SRBD1: variants seen among roughly 807,000 people sequenced by gnomAD.
SRBD1 encodes S1 RNA binding domain 1, also known as S1 RNA-binding domain-containing protein 1.
SRBD1 carries 88 observed loss-of-function variants against 115.3 expected under a neutral mutation model. The observed-to-expected ratio is 0.76, with a 90% CI of 0.64 to 0.91. The LOEUF (loss-of-function observed/expected upper bound fraction) is 0.91, where lower values mean the gene tolerates loss of function less well. SRBD1 is among the 40% of genes least tolerant of loss of function. The pLI, the probability that SRBD1 is intolerant of heterozygous loss-of-function variation, is 0.00. For synonymous variants in SRBD1, 509 were observed against 407.7 expected, an observed-to-expected ratio of 1.25 and a Z score of -2.99; for missense variants, 1,385 against 1,177.4, an observed-to-expected ratio of 1.18 and a Z score of -2.58.
At chr2:45,493,550 C>T in intron 14 of SRBD1, among the ~76,000 whole-genome samples, 1 of 152,102 alleles carries the variant, frequency 6.6e-6, no homozygotes, top group East Asian at 1.9e-4. Context: ...GTGGCACACA[C>T]CTGTAATCCC....
intron 14 of SRBD1, among the ~76,000 whole-genome samples, chr2:45,488,808 A>T (rs939717170): frequency 4.6e-5 from 7 of 152,086 alleles, no homozygotes; most frequent in African/African-American, 1.7e-4. Context: ...AAAAACCACC[A>T]TCATAAGCAC....
At chr2:45,423,540 T>C (rs1398217014) in intron 16 of SRBD1, among the ~76,000 whole-genome samples, 4 of 152,006 alleles carry the variant, frequency 2.6e-5, no homozygotes, top group Admixed American at 2.6e-4. Flanking sequence ...AACCTATAAG[T>C]ACAGTCAATA....
intron 16 of SRBD1, among the ~76,000 whole-genome samples, chr2:45,437,710 A>G (rs1389243060): frequency 6.6e-6 from 1 of 152,234 alleles, no homozygotes; most frequent in Admixed American, 6.5e-5. Flanking sequence ...TCTGGGCGAT[A>G]GACTAAGACT....
chr2:45,389,197 A>T lies in SRBD1; in HGVS notation c.*113T>A, dbSNP rs1044931131. On this transcript the variant is annotated 3_prime_UTR_variant, in exon 21 of 21. Transcript: ENST00000263736. ...GGAAAGTGTTTGGAAAATATTTCTGATATTAAGTGAATTATTTCTCATCTG... is the reference window on the plus strand; with the variant it reads ...GGAAAGTGTTTGGAAAATATTTCTGTTATTAAGTGAATTATTTCTCATCTG... The T allele has an allele frequency of 1.8e-4, 214 of 1,204,886 alleles. No individual in the cohort carries two copies. Among genetic ancestry groups the T allele is most frequent in the Non-Finnish European group, 2.4e-4 (205 of 867,850 alleles). 74.6% of individuals were successfully genotyped at this position (1,204,886 alleles called of 1,614,324 possible). A position where few individuals can be genotyped will look rare whatever the true frequency, so the allele number is the denominator to read the frequency against.
At chr2:45,451,674 C>A (rs544892810) in intron 16 of SRBD1, among the ~76,000 whole-genome samples, 1 of 149,172 alleles carries the variant, frequency 6.7e-6, no homozygotes, top group African/African-American at 2.5e-5. Context: ...GCACAAATAT[C>A]CTCCAAACTT....
intron 16 of SRBD1, among the ~76,000 whole-genome samples, chr2:45,432,129 A>C (rs983523442): frequency 6.6e-6 from 1 of 152,046 alleles, no homozygotes; most frequent in African/African-American, 2.4e-5. Context: ...TCCCAGGTTC[A>C]AGTGGTTCTC....
At chr2:45,404,562 C>T (rs1269063764) in intron 19 of SRBD1, among the ~76,000 whole-genome samples, 1 of 152,090 alleles carries the variant, frequency 6.6e-6, no homozygotes, top group Non-Finnish European at 1.5e-5. Context: ...CCTATTGAGT[C>T]TACTTTTAAA....
Position 45,553,700 on chromosome 2 carries a change from C to T in SRBD1, c.1440G>A (p.Glu480=). ...RWRPRSFARP[E]LMKILYNSLN... ...GTGAATTATATAAGATCTTCATTAA[C>T]TCTGGCCTTGCAAAGCTACGTGGTC... Residue 480 remains glutamate, a synonymous_variant, in exon 11 of 21, where the codon GAG becomes GAA. Transcript: ENST00000263736. The T allele has an allele frequency of 6.2e-7, 1 of 1,605,872 alleles. No homozygotes were observed. Among genetic ancestry groups the T allele is most frequent in the Non-Finnish European group, 8.5e-7 (1 of 1,176,410 alleles).
At chr2:45,465,610 G>A (rs909125090) in intron 16 of SRBD1, among the ~76,000 whole-genome samples, 1 of 152,092 alleles carries the variant, frequency 6.6e-6, no homozygotes, top group African/African-American at 2.4e-5. Context: ...GGAAGACAAT[G>A]ATTTTCAACA....
intron 1 of SRBD1, among the ~76,000 whole-genome samples, chr2:45,610,713 G>A (rs1303372977): frequency 2.6e-5 from 4 of 152,180 alleles, no homozygotes. Context: ...GGGCCACCAT[G>A]ACCGTGAAAA....
intron 2 of SRBD1, among the ~76,000 whole-genome samples, chr2:45,602,767 A>G (rs1439232068): frequency 6.6e-6 from 1 of 152,184 alleles, no homozygotes; most frequent in Non-Finnish European, 1.5e-5. Flanking sequence ...AGTTAATTCC[A>G]TTTCTACTCT....
At chr2:45,545,283 TAAAAAAAAAAAAAAAA>T (rs56909656) in intron 14 of SRBD1, among the ~76,000 whole-genome samples, 10 of 68,576 alleles carry the variant, frequency 1.5e-4, no homozygotes, top group African/African-American at 4.1e-4. Flanking sequence ...CTGTCTCAAT[TAAAAAAAAAAAAAAAA>T]AAAAAAAAAA....
In SRBD1 at chr2:45,553,722, G is replaced by A; in HGVS notation, c.1418C>T (p.Pro473Leu). 1 of 1,579,010 alleles carries A rather than the reference G, an allele frequency of 6.3e-7. No homozygotes were observed. Among genetic ancestry groups the A allele is most frequent in the South Asian group, 1.2e-5 (1 of 84,610 alleles). Residue 473 changes from proline to leucine, a missense_variant, in exon 11 of 21, where the codon CCA (proline) becomes CTA (leucine). Transcript: ENST00000263736. The part of the protein sequence containing the change: ...CRWCIQNRWR[P>L]RSFARPELMK... ...TAACTCTGGCCTTGCAAAGCTACGT[G>A]GTCTCCACCTGCAAAACAGAAAAGC...
At chr2:45,600,035 G>C (rs6544840) in intron 3 of SRBD1, among the ~76,000 whole-genome samples, 200 bp from the exon 4 acceptor site, 120,858 of 152,148 alleles carry the variant, frequency 0.79, 48,759 homozygotes, top group African/African-American at 0.92. Context: ...CATTCCTGAA[G>C]AGATTAGAGG....
At chr2:45,521,827 G>T (rs1243349786) in intron 14 of SRBD1, among the ~76,000 whole-genome samples, 1 of 151,940 alleles carries the variant, frequency 6.6e-6, no homozygotes, top group Admixed American at 6.6e-5. Flanking sequence ...AATTAGCCAG[G>T]CATGGTGGCA....
chr2:45,599,797 G>C lies in SRBD1; in HGVS notation c.300C>G (p.Asp100Glu). Residue 100 changes from aspartate to glutamate, a missense_variant, in exon 4 of 21, where the codon GAC becomes GAG. Physicochemically the swap from Asp to Glu is conservative, Grantham distance 45. Coordinates refer to ENST00000263736, the MANE Select transcript of SRBD1 (RefSeq NM_018079.5). ...GTACAGTATCCAATTTATTTTTTCT[G>C]TCTTCTAAAGCAGTATCAGCAATAG... ...SVAIADTALE[D>E]RKNKLDTVQT... The C allele has an allele frequency of 6.2e-7, 1 of 1,613,720 alleles. No individual in the cohort carries two copies. Among genetic ancestry groups the C allele is most frequent in the South Asian group, 1.1e-5 (1 of 91,026 alleles).
chr2:45,542,710 A>C (rs1668786358), intron 14 of SRBD1, among the ~76,000 whole-genome samples: 1 of 152,244 alleles, frequency 6.6e-6, no homozygotes. Flanking sequence ...CTATTTACCT[A>C]AGAGAAATGA....
At chr2:45,398,579 T>A (rs973186094) in intron 19 of SRBD1, among the ~76,000 whole-genome samples, 1 of 152,208 alleles carries the variant, frequency 6.6e-6, no homozygotes, top group African/African-American at 2.4e-5. Flanking sequence ...TGTAGGAGAA[T>A]ATATCCTTAG....
intron 9 of SRBD1, among the ~76,000 whole-genome samples, chr2:45,572,482 G>A (rs1361602667): frequency 6.6e-6 from 1 of 151,860 alleles, no homozygotes; most frequent in Non-Finnish European, 1.5e-5. Context: ...TTTAAAAAAG[G>A]AGAAATTAAG....
Sources: gnomAD v4.1 joint callset for allele counts (sites outside exome capture counted in the v4.1 genomes callset) on GRCh38, gnomAD v4.1.1 for gene constraint, MANE v1.5 for transcripts, NCBI Gene and HGNC (gene_info 2026-07-23, HGNC 2026-07-21) for gene names.